Variants in NRG1 observed in about 807,000 individuals in gnomAD.
The protein encoded by NRG1 is pro-neuregulin-1, membrane-bound isoform.
Under a neutral mutation model 63.8 loss-of-function variants are expected in NRG1, and 18 were observed. The ratio of observed to expected loss-of-function variants is 0.28; its 90% CI spans 0.19 to 0.42. The LOEUF (loss-of-function observed/expected upper bound fraction) is 0.42. NRG1 is among the 10% of genes least tolerant of loss of function. The probability of loss-of-function intolerance (pLI) is 1.00; values close to 1 mark genes in which losing one functional copy is unlikely to be tolerated. For synonymous variants in NRG1, 302 were observed against 301.3 expected (o/e 1.00, Z -0.02); for missense variants, 762 against 814.7 (o/e 0.94, Z 0.79).
intron 1 of NRG1, among the ~76,000 whole-genome samples, chr8:32,058,448 A>G (rs1270796460): frequency 1.3e-5 from 2 of 152,132 alleles, no homozygotes; most frequent in Non-Finnish European, 2.9e-5. Flanking sequence ...CTTCTTATCA[A>G]GGTATCACAT....
intron 1 of NRG1, among the ~76,000 whole-genome samples, chr8:31,972,438 A>G: frequency 6.6e-6 from 1 of 152,130 alleles, no homozygotes; most frequent in Middle Eastern, 3.2e-3. Flanking sequence ...TACTAACTGG[A>G]ACTGTATCTA....
At chr8:32,675,080 C>G (rs533459467) in intron 5 of NRG1, among the ~76,000 whole-genome samples, 1 of 152,250 alleles carries the variant, frequency 6.6e-6, no homozygotes, top group African/African-American at 2.4e-5. Flanking sequence ...GAGAATGGCT[C>G]TCATGGTACT....
chr8:32,074,027 GTTAA>G (rs1292351839), intron 1 of NRG1, among the ~76,000 whole-genome samples: 1 of 152,122 alleles, frequency 6.6e-6, no homozygotes, highest in Non-Finnish European at 1.5e-5. Flanking sequence ...CCTCTAGAAA[GTTAA>G]TTAAGGTAAC....
chr8:32,462,805 T>C (rs537241179), intron 1 of NRG1, among the ~76,000 whole-genome samples: 1 of 152,134 alleles, frequency 6.6e-6, no homozygotes, highest in East Asian at 1.9e-4. Context: ...GGTTTCACCA[T>C]GTTGGCCAGG....
intron 1 of NRG1, among the ~76,000 whole-genome samples, chr8:32,488,884 T>C (rs904309623): frequency 6.6e-6 from 1 of 152,198 alleles, no homozygotes; most frequent in Admixed American, 6.5e-5. Flanking sequence ...GGTGAATCTG[T>C]GCAGGTCTGC....
intron 1 of NRG1, among the ~76,000 whole-genome samples, chr8:31,896,359 A>G (rs183124700): frequency 6.6e-6 from 1 of 152,248 alleles, no homozygotes; most frequent in African/African-American, 2.4e-5. Context: ...AATAAGTCCA[A>G]ACTCTTTAAC....
At chr8:32,427,237 A>G (rs571475531) in intron 1 of NRG1, among the ~76,000 whole-genome samples, 1 of 152,268 alleles carries the variant, frequency 6.6e-6, no homozygotes, top group South Asian at 2.1e-4. Flanking sequence ...TTTTCCTACC[A>G]TACTGCTTTC....
At chr8:31,856,247 C>T (rs1358329119) in intron 1 of NRG1, among the ~76,000 whole-genome samples, 4 of 152,194 alleles carry the variant, frequency 2.6e-5, no homozygotes, top group African/African-American at 9.7e-5. Context: ...CTTTCAGGTA[C>T]ACCAATCAGA....
chr8:32,580,383 T>C (rs1404759681), intron 1 of NRG1, among the ~76,000 whole-genome samples: 1 of 152,176 alleles, frequency 6.6e-6, no homozygotes, highest in Non-Finnish European at 1.5e-5. Flanking sequence ...ATTTAAAAAC[T>C]TTGTATTAAT....
At chr8:32,686,985 G>A (rs1441849518) in intron 5 of NRG1, among the ~76,000 whole-genome samples, 1 of 152,186 alleles carries the variant, frequency 6.6e-6, no homozygotes, top group Non-Finnish European at 1.5e-5. Flanking sequence ...AGCCTGTATG[G>A]TATCTTGCAT....
chr8:32,704,995 G>A (rs1815975079), intron 5 of NRG1, among the ~76,000 whole-genome samples: 1 of 152,092 alleles, frequency 6.6e-6, no homozygotes, highest in Non-Finnish European at 1.5e-5. Flanking sequence ...AAAATGTAGA[G>A]TTGTTTCTAT....
intron 1 of NRG1, among the ~76,000 whole-genome samples, chr8:32,257,195 A>G (rs1849824118): frequency 6.6e-6 from 1 of 152,136 alleles, no homozygotes; most frequent in African/African-American, 2.4e-5. Flanking sequence ...GAGAATTTCA[A>G]GCCAGTGGAT....
intron 1 of NRG1, among the ~76,000 whole-genome samples, chr8:32,592,871 C>A (rs1842758181): frequency 1.3e-5 from 2 of 152,134 alleles, no homozygotes; most frequent in Non-Finnish European, 2.9e-5. Flanking sequence ...TTGACTCCCC[C>A]CAAACCTAAC....
intron 1 of NRG1, among the ~76,000 whole-genome samples, chr8:32,465,666 T>C (rs1822966332): frequency 6.6e-6 from 1 of 152,244 alleles, no homozygotes; most frequent in Admixed American, 6.5e-5. Flanking sequence ...CAGCAGTTAT[T>C]ATTTCGGGAA....
intron 1 of NRG1, among the ~76,000 whole-genome samples, chr8:32,386,090 G>T (rs756716971): frequency 6.6e-6 from 1 of 152,058 alleles, no homozygotes; most frequent in Non-Finnish European, 1.5e-5. Context: ...CCATTAGCAG[G>T]CATTTTCATT....
At chr8:32,615,099 T>C (rs2466059) in intron 4 of NRG1, among the ~76,000 whole-genome samples, 12,486 of 152,208 alleles carry the variant, frequency 0.082, 571 homozygotes, top group Admixed American at 0.11. Context: ...CACTTGCCTG[T>C]AGTATTTGCT....
At chr8:32,740,691 T>C (rs991294748) in intron 6 of NRG1, among the ~76,000 whole-genome samples, 2 of 152,236 alleles carry the variant, frequency 1.3e-5, no homozygotes, top group Non-Finnish European at 2.9e-5. Flanking sequence ...CTGAAACTGC[T>C]AGTATTTTAT....
intron 1 of NRG1, among the ~76,000 whole-genome samples, chr8:32,408,550 T>G (rs1053787817): frequency 2.0e-5 from 3 of 151,992 alleles, no homozygotes; most frequent in East Asian, 1.9e-4. Flanking sequence ...TTAGCTTGCT[T>G]GGTCTGGTGG....
chr8:31,842,673 G>C (rs915050328), intron 1 of NRG1, among the ~76,000 whole-genome samples: 1 of 151,050 alleles, frequency 6.6e-6, no homozygotes, highest in African/African-American at 2.4e-5. Flanking sequence ...TATTTCTTGA[G>C]GCCAGGAAAT....
Sources: allele counts gnomAD v4.1 joint callset (sites outside exome capture counted in the v4.1 genomes callset), GRCh38; gene constraint gnomAD v4.1.1; transcripts MANE v1.5; gene names NCBI Gene and HGNC (gene_info 2026-07-23, HGNC 2026-07-21).